MBD5: variants seen among roughly 807,000 people sequenced by gnomAD.
The protein encoded by MBD5 is methyl-CpG binding domain protein 5, also known as methyl-CpG-binding domain protein 5.
A neutral mutation model predicts 117.3 loss-of-function variants in MBD5; 13 were observed. The observed-to-expected ratio is 0.11, with a 90% confidence interval of 0.07 to 0.18. The LOEUF (loss-of-function observed/expected upper bound fraction) is 0.18. Ranked by LOEUF, MBD5 falls within the 10% of genes least tolerant of loss-of-function variation. MBD5 has a pLI of 1.00. For missense variants in MBD5, 1,879 were observed against 2,093.8 expected (o/e 0.90, Z 2.00); for synonymous variants, 727 against 766.4 (o/e 0.95, Z 0.85).
intron 1 of MBD5, among the ~76,000 whole-genome samples, chr2:148,121,952 A>G (rs1696778871): frequency 6.6e-6 from 1 of 152,154 alleles, no homozygotes; most frequent in Non-Finnish European, 1.5e-5. Flanking sequence ...AGAAATTTTA[A>G]AAAGAAATTC....
rs529273661 is a variant in MBD5, at chr2:148,167,154, C to T, written c.-924-11546C>T. On this transcript the variant is annotated intron_variant, in intron 1 of 13. Coordinates refer to ENST00000642680, the MANE Select transcript of MBD5 (RefSeq NM_001378120.1). ...TCTATAGCTGCATTTTGAAGCTGCT[C>T]CTTTAAAACATATCTACAGGAAAAG... 5.0e-4 allele frequency among the ~76,000 whole-genome samples: 76 copies of T among 152,162 alleles called. 1 individual carries two copies. The highest frequency in any genetic ancestry group is 1.7e-3 in the African/African-American group (71 of 41,528).
intron 8 of MBD5, among the ~76,000 whole-genome samples, chr2:148,474,613 C>T (rs1311717627): frequency 6.6e-6 from 1 of 151,834 alleles, no homozygotes; most frequent in East Asian, 1.9e-4. Context: ...TGGGTTTGTG[C>T]CAGAAGAGAA....
intron 1 of MBD5, among the ~76,000 whole-genome samples, chr2:148,095,253 A>G (rs1387604637): frequency 6.6e-6 from 1 of 152,178 alleles, no homozygotes; most frequent in Non-Finnish European, 1.5e-5. Context: ...CACAGTGAAT[A>G]TTCAGATAAC....
chr2:148,361,754 G>T (rs975728015), intron 4 of MBD5, among the ~76,000 whole-genome samples: 1 of 151,976 alleles, frequency 6.6e-6, no homozygotes, highest in Admixed American at 6.6e-5. Context: ...GAACAGCTCC[G>T]GTCTGCAGCT....
At chr2:148,424,177 C>CAAAAAAAAAAAAAAAAAAAAA (rs56740583) in intron 4 of MBD5, among the ~76,000 whole-genome samples, 3 of 53,462 alleles carry the variant, frequency 5.6e-5, no homozygotes, top group Admixed American at 2.0e-4. Flanking sequence ...GACTCTGTCT[C>CAAAAAAAAAAAAAAAAAAAAA]AAAAAAAAAA....
chr2:148,489,501 GTGAGTTGCAACCGAGGAT>G lies in MBD5; in HGVS notation c.3873_3890del (p.Glu1291_Ile1296del). On this transcript the variant is annotated inframe_deletion, in exon 11 of 14. Transcript: ENST00000642680. ...CTTCCACCTTTTCAAGATACACCTT[GTGAGTTGCAACCGAGGAT>G]TGACCCATCTCTTGGTCAACAGGTG... The G allele has an allele frequency of 6.2e-7, 1 of 1,614,168 alleles. No individual in the cohort carries two copies.
intron 1 of MBD5, among the ~76,000 whole-genome samples, chr2:148,170,400 A>G (rs10928378): frequency 0.3 from 46,008 of 152,110 alleles, 8,473 homozygotes; most frequent in South Asian, 0.46. Flanking sequence ...GGATTGCATG[A>G]TTAGAGCTAT....
intron 1 of MBD5, among the ~76,000 whole-genome samples, chr2:148,063,522 A>C (rs1329861392): frequency 6.6e-6 from 1 of 151,208 alleles, no homozygotes; most frequent in Non-Finnish European, 1.5e-5. Flanking sequence ...ACAATACATA[A>C]ATGAATGAGC....
chr2:148,447,277 G>A (rs1055012497), intron 4 of MBD5, among the ~76,000 whole-genome samples: 1 of 150,666 alleles, frequency 6.6e-6, no homozygotes. Flanking sequence ...AGGAAAGAAA[G>A]TAGAGGATTG....
chr2:148,464,683 G>A (rs1380289781), intron 7 of MBD5, among the ~76,000 whole-genome samples: 1 of 151,892 alleles, frequency 6.6e-6, no homozygotes, highest in Non-Finnish European at 1.5e-5. Context: ...TCTTGACCAG[G>A]TGCAGTGGCT....
chr2:148,432,581 A>G (rs1046358770), intron 4 of MBD5, among the ~76,000 whole-genome samples: 5 of 152,152 alleles, frequency 3.3e-5, no homozygotes, highest in Non-Finnish European at 4.4e-5. Flanking sequence ...AATCTTCTGC[A>G]TATGGCTAGA....
intron 3 of MBD5, among the ~76,000 whole-genome samples, chr2:148,286,556 A>C (rs1701373222): frequency 6.6e-6 from 1 of 152,332 alleles, no homozygotes; most frequent in East Asian, 1.9e-4. Context: ...AAGATTGCAG[A>C]TGATGGACAT....
intron 1 of MBD5, among the ~76,000 whole-genome samples, chr2:148,032,212 C>T (rs1361253350): frequency 1.3e-5 from 2 of 152,040 alleles, no homozygotes; most frequent in Non-Finnish European, 2.9e-5. Flanking sequence ...ATTATGTGCT[C>T]ACTGGGATAG....
At chr2:148,427,429 T>TGTGG (rs1705834250) in intron 4 of MBD5, among the ~76,000 whole-genome samples, 1 of 150,628 alleles carries the variant, frequency 6.6e-6, no homozygotes, top group Non-Finnish European at 1.5e-5. Flanking sequence ...TAGACTGGAT[T>TGTGG]CCATATACAC....
At chr2:148,447,184 AAAGAAAGAAAGAAAGAAAGAAAGAAAG>A (rs1706573299) in intron 4 of MBD5, among the ~76,000 whole-genome samples, 1 of 8,770 alleles carries the variant, frequency 1.1e-4, no homozygotes, top group South Asian at 0.056. Flanking sequence ...AGAAGGAAAG[AAAGAAAGAAAGAAAGAAAGAAAGAAAG>A]AAAGAAAGAA....
chr2:148,258,792 AC>A (rs1385602760), intron 3 of MBD5, among the ~76,000 whole-genome samples: 5 of 152,152 alleles, frequency 3.3e-5, no homozygotes, highest in Non-Finnish European at 7.4e-5. Context: ...TGAGCGTGTC[AC>A]TTGTTGAGGC....
intron 3 of MBD5, among the ~76,000 whole-genome samples, chr2:148,304,940 C>T (rs1701856145): frequency 6.6e-6 from 1 of 151,302 alleles, no homozygotes; most frequent in African/African-American, 2.4e-5. Flanking sequence ...TGGCGGGCGC[C>T]TGTAGTCCCA....
intron 2 of MBD5, among the ~76,000 whole-genome samples, chr2:148,229,141 CT>C (rs1699918336): frequency 3.3e-5 from 5 of 151,004 alleles, no homozygotes; most frequent in Admixed American, 3.3e-4. Flanking sequence ...CATTTTGAGG[CT>C]ATTTTGCAGC....
chr2:148,258,427 C>T (rs1558994318), intron 3 of MBD5, among the ~76,000 whole-genome samples: 2 of 152,256 alleles, frequency 1.3e-5, no homozygotes, highest in East Asian at 1.9e-4. Context: ...CAATCTGCAC[C>T]GGTATCCACC....
Sources: allele counts gnomAD v4.1 joint callset (sites outside exome capture counted in the v4.1 genomes callset), GRCh38; gene constraint gnomAD v4.1.1; transcripts MANE v1.5; gene names NCBI Gene and HGNC (gene_info 2026-07-23, HGNC 2026-07-21).